Variants in NCOA7 observed in about 807,000 individuals in gnomAD.
NCOA7 encodes nuclear receptor coactivator 7.
In NCOA7, 45 loss-of-function variants were observed where a neutral mutation model predicts 104.3. The ratio of observed to expected loss-of-function variants is 0.43; its 90% CI spans 0.34 to 0.55. The LOEUF is 0.55. Ranked by LOEUF, NCOA7 falls within the 20% of genes least tolerant of loss-of-function variation. The probability of loss-of-function intolerance (pLI) is 0.02; values close to 1 mark genes in which losing one functional copy is unlikely to be tolerated. For synonymous variants in NCOA7, 398 were observed against 402.3 expected, an observed-to-expected ratio of 0.99 and a Z score of 0.13; for missense variants, 1,041 against 1,119.7, an observed-to-expected ratio of 0.93 and a Z score of 1.00.
chr6:125,918,481 A>G (rs867090300), intron 11 of NCOA7, among the ~76,000 whole-genome samples: 2 of 152,122 alleles, frequency 1.3e-5, no homozygotes, highest in Non-Finnish European at 2.9e-5. Context: ...GAGCAATACA[A>G]TACACTCTGA....
chr6:125,902,837 G>C (rs1443532418), intron 10 of NCOA7, among the ~76,000 whole-genome samples: 1 of 152,206 alleles, frequency 6.6e-6, no homozygotes, highest in Non-Finnish European at 1.5e-5. Flanking sequence ...GACCTTGGGT[G>C]ACTTAATCTA....
At chr6:125,857,775 G>T (rs1383683848) in intron 3 of NCOA7, among the ~76,000 whole-genome samples, 1 of 151,904 alleles carries the variant, frequency 6.6e-6, no homozygotes, top group Non-Finnish European at 1.5e-5. Context: ...TAGTAGAGAT[G>T]GGATTTCACC....
intron 6 of NCOA7, among the ~76,000 whole-genome samples, chr6:125,881,868 T>TGA (rs1209130100): frequency 6.6e-6 from 1 of 152,096 alleles, no homozygotes; most frequent in East Asian, 1.9e-4. Context: ...TTTGTGTGTG[T>TGA]GAGACAGAGT....
chr6:125,818,170 C>T (rs970433206), intron 2 of NCOA7, among the ~76,000 whole-genome samples: 3 of 151,746 alleles, frequency 2.0e-5, no homozygotes, highest in Admixed American at 6.6e-5. Context: ...ATTTTAAGAG[C>T]TATAGTGCCT....
At chr6:125,874,711 T>C (rs1783215344) in intron 3 of NCOA7, among the ~76,000 whole-genome samples, 178 bp from the exon 4 acceptor site, 1 of 152,228 alleles carries the variant, frequency 6.6e-6, no homozygotes, top group African/African-American at 2.4e-5. Context: ...ATATTAATCA[T>C]TTATTCAGGA....
intron 2 of NCOA7, among the ~76,000 whole-genome samples, chr6:125,838,528 C>T (rs1290555378): frequency 6.6e-6 from 1 of 152,174 alleles, no homozygotes; most frequent in Non-Finnish European, 1.5e-5. Flanking sequence ...TTTGCAAGCC[C>T]TCTGAACAGC....
At chr6:125,811,594 A>C (rs1777009369) in intron 1 of NCOA7, among the ~76,000 whole-genome samples, 1 of 152,180 alleles carries the variant, frequency 6.6e-6, no homozygotes. Flanking sequence ...GTGCCTGAGG[A>C]AAGAGTGAGG....
chr6:125,856,642 A>G (rs1781585231), intron 3 of NCOA7, among the ~76,000 whole-genome samples: 2 of 152,078 alleles, frequency 1.3e-5, no homozygotes, highest in Admixed American at 6.5e-5. Flanking sequence ...GTGAGCCACC[A>G]TGCCTGGCCA....
At chr6:125,804,108 C>T (rs1776184471) in intron 1 of NCOA7, among the ~76,000 whole-genome samples, 3 of 152,224 alleles carry the variant, frequency 2.0e-5, no homozygotes, top group Middle Eastern at 6.8e-3. Context: ...GAGTTCTGTA[C>T]CAGTCTAGAG....
intron 1 of NCOA7, among the ~76,000 whole-genome samples, chr6:125,783,217 G>A (rs577838056): frequency 1.6e-4 from 25 of 152,228 alleles, no homozygotes; most frequent in Admixed American, 1.4e-3. Flanking sequence ...GCTACGTACC[G>A]TCATTTGATT....
At position 125,890,395 on chromosome 6, in the gene NCOA7, T is replaced by C. The variant is rs540395697; in HGVS notation, c.1928-247T>C. On this transcript the variant is annotated intron_variant, in intron 9 of 15. Transcript: ENST00000392477. Reference sequence around the variant, plus strand: ...CAATTCTCTATTATTTGCTATTCTATTGGTTTTTAAACTTATTTTCAGTAT... The same window carrying C: ...CAATTCTCTATTATTTGCTATTCTACTGGTTTTTAAACTTATTTTCAGTAT... Among the ~76,000 whole-genome samples the C allele has an allele frequency of 3.5e-4, 54 of 152,346 alleles. 1 individual carries two copies. In the South Asian group the frequency reaches 0.011, roughly 30 times the overall value.
intron 1 of NCOA7, among the ~76,000 whole-genome samples, chr6:125,806,196 C>T (rs1435918108): frequency 1.3e-5 from 2 of 152,116 alleles, no homozygotes; most frequent in Non-Finnish European, 2.9e-5. Flanking sequence ...CAAAAATTAG[C>T]TGGGCATGGT....
intron 1 of NCOA7, among the ~76,000 whole-genome samples, chr6:125,785,750 T>A (rs1774435881): frequency 6.6e-6 from 1 of 152,212 alleles, no homozygotes; most frequent in Non-Finnish European, 1.5e-5. Flanking sequence ...AACAGGAAAT[T>A]ATTCAAAAGC....
At position 125,930,338 on chromosome 6, in the gene NCOA7, C is replaced by T. The variant is rs1330169114; in HGVS notation, c.*1567C>T. ...TGCCACTGCACTCTATCCTGGGTAACAGCGAGACTCTGTCTTAAAAATAAT... is the reference window on the plus strand; with the variant it reads ...TGCCACTGCACTCTATCCTGGGTAATAGCGAGACTCTGTCTTAAAAATAAT... On this transcript the variant is annotated 3_prime_UTR_variant, in exon 16 of 16. Transcript: ENST00000392477. The T allele has an allele frequency of 1.3e-5, 2 of 152,556 alleles. No individual in the cohort carries two copies. Among genetic ancestry groups the T allele is most frequent in the African/African-American group, 4.8e-5 (2 of 41,430 alleles). 9.5% of individuals were successfully genotyped at this position (152,556 alleles called of 1,614,324 possible). A position where few individuals can be genotyped will look rare whatever the true frequency, so the allele number is the denominator to read the frequency against.
chr6:125,848,654 G>A (rs1417481289), intron 2 of NCOA7, among the ~76,000 whole-genome samples: 3 of 152,090 alleles, frequency 2.0e-5, no homozygotes, highest in Admixed American at 1.3e-4. Context: ...CTGTCGGGGG[G>A]TGGTGGTTGG....
At chr6:125,806,212 G>A (rs1776433764) in intron 1 of NCOA7, among the ~76,000 whole-genome samples, 1 of 152,064 alleles carries the variant, frequency 6.6e-6, no homozygotes. Flanking sequence ...ATGGTGGCAG[G>A]TGCCTATAAT....
chr6:125,862,385 AGT>A (rs1457149730), intron 3 of NCOA7, among the ~76,000 whole-genome samples: 1 of 138,644 alleles, frequency 7.2e-6, no homozygotes, highest in Non-Finnish European at 1.5e-5. Context: ...ACTTCTTCAT[AGT>A]GGTGAATGCC....
At chr6:125,803,031 C>G (rs1170519034) in intron 1 of NCOA7, among the ~76,000 whole-genome samples, 2 of 152,190 alleles carry the variant, frequency 1.3e-5, no homozygotes, top group Non-Finnish European at 2.9e-5. Context: ...TCTGTTGTTA[C>G]CAAGACATCT....
intron 2 of NCOA7, among the ~76,000 whole-genome samples, chr6:125,818,219 A>T (rs763652823): frequency 2.6e-5 from 4 of 152,156 alleles, no homozygotes; most frequent in Non-Finnish European, 5.9e-5. Context: ...TAGTAAAGGT[A>T]ACTGCCGGTT....
Sources: gnomAD v4.1 joint callset for allele counts (sites outside exome capture counted in the v4.1 genomes callset) on GRCh38, gnomAD v4.1.1 for gene constraint, MANE v1.5 for transcripts, NCBI Gene and HGNC (gene_info 2026-07-23, HGNC 2026-07-21) for gene names.